Variants in TOX2 observed in about 807,000 individuals in gnomAD.
The protein encoded by TOX2 is TOX high mobility group box family member 2.
In TOX2, 15 loss-of-function variants were observed where a neutral mutation model predicts 47.4. The observed-to-expected ratio is 0.32, with a 90% CI of 0.21 to 0.49. The LOEUF (loss-of-function observed/expected upper bound fraction) is 0.49, where lower values mean the gene tolerates loss of function less well. TOX2 is among the 20% of genes least tolerant of loss of function. The pLI is 0.99. For missense variants in TOX2, 622 were observed against 673.1 expected (o/e 0.92, Z 0.84); for synonymous variants, 290 against 296.6 (o/e 0.98, Z 0.23).
chr20:43,925,031 T>C (rs1011161745), intron 1 of TOX2, among the ~76,000 whole-genome samples: 2 of 152,244 alleles, frequency 1.3e-5, no homozygotes, highest in African/African-American at 2.4e-5. Context: ...AGTTTCTTGA[T>C]TGATCTCATA....
chr20:44,048,416 A>ATATATG (rs2071452840), intron 3 of TOX2, among the ~76,000 whole-genome samples: 1 of 140,376 alleles, frequency 7.1e-6, no homozygotes, highest in Non-Finnish European at 1.5e-5. Context: ...ATATATATGT[A>ATATATG]TAATTTACCA....
At chr20:43,944,181 G>T (rs141586606) in intron 1 of TOX2, among the ~76,000 whole-genome samples, 7 of 152,314 alleles carry the variant, frequency 4.6e-5, no homozygotes, top group African/African-American at 1.7e-4. Context: ...TGGTGAGCAC[G>T]CACTGTGTGT....
chr20:43,953,974 CAA>C (rs1255209824), intron 1 of TOX2, among the ~76,000 whole-genome samples: 2 of 152,172 alleles, frequency 1.3e-5, no homozygotes, highest in East Asian at 3.8e-4. Flanking sequence ...AGCTGAGACT[CAA>C]AGAATGGAAC....
At chr20:43,950,549 G>A (rs913349585) in intron 1 of TOX2, among the ~76,000 whole-genome samples, 1 of 151,360 alleles carries the variant, frequency 6.6e-6, no homozygotes, top group African/African-American at 2.4e-5. Context: ...CACACCTGCC[G>A]GCAGCTCCCA....
In TOX2 at chr20:43,973,241, T is replaced by C. The variant is rs139257015; in HGVS notation, c.100-126T>C. On this transcript the variant is annotated intron_variant, in intron 1 of 8. Transcript: ENST00000341197. Reference sequence around the variant, plus strand: ...ATGGGGCTTTGGGCATCCTGGGCTCTGATTTGCCTTCTGCAGCTCCCACAG... The same window carrying C: ...ATGGGGCTTTGGGCATCCTGGGCTCCGATTTGCCTTCTGCAGCTCCCACAG... 4.2e-4 allele frequency: 370 copies of C among 882,586 alleles called. 1 individual carries two copies. The African/African-American group carries it at 5.8e-3, about 14-fold the overall frequency. The allele number at this position is 882,586 out of a possible 1,614,324, so 54.7% of individuals were successfully genotyped here. A position where few individuals can be genotyped will look rare whatever the true frequency, so the allele number is the denominator to read the frequency against.
chr20:43,963,184 C>A (rs2069792057), intron 1 of TOX2, among the ~76,000 whole-genome samples: 1 of 152,010 alleles, frequency 6.6e-6, no homozygotes, highest in African/African-American at 2.4e-5. Flanking sequence ...GCAATGATTC[C>A]CACCTCCCAG....
rs115540186 is a variant in TOX2 at position 44,020,609 on chromosome 20, G to A, written c.411+13817G>A. ...CTACTGCTGAGCTGCTTCTGGAAACGTGATCCTAAGGCCAGCAGCAGCAGC... is the reference window on the plus strand; with the variant it reads ...CTACTGCTGAGCTGCTTCTGGAAACATGATCCTAAGGCCAGCAGCAGCAGC... On this transcript the variant is annotated intron_variant, in intron 3 of 8. Transcript: ENST00000341197. 4.3e-3 allele frequency among the ~76,000 whole-genome samples: 654 copies of A among 152,334 alleles called. 6 individuals are homozygous for A. Among genetic ancestry groups the A allele is most frequent in the African/African-American group, 0.015 (623 of 41,572 alleles).
chr20:44,018,078 C>T (rs1045947447), intron 3 of TOX2, among the ~76,000 whole-genome samples: 20 of 152,146 alleles, frequency 1.3e-4, no homozygotes, highest in African/African-American at 3.6e-4. Context: ...GTCCCGGCAC[C>T]GAAGGCTTCC....
At chr20:43,922,709 A>G (rs2069124272) in intron 1 of TOX2, among the ~76,000 whole-genome samples, 2 of 152,188 alleles carry the variant, frequency 1.3e-5, no homozygotes, top group South Asian at 4.1e-4. Context: ...AATTTCCCTG[A>G]TATTTAAAAC....
chr20:43,957,427 A>G (rs1205948103), intron 1 of TOX2, among the ~76,000 whole-genome samples: 1 of 152,256 alleles, frequency 6.6e-6, no homozygotes, highest in East Asian at 1.9e-4. Context: ...TGTGTGAGCT[A>G]TGAGCACGTT....
At chr20:43,989,796 A>T (rs2070336446) in intron 2 of TOX2, among the ~76,000 whole-genome samples, 1 of 151,784 alleles carries the variant, frequency 6.6e-6, no homozygotes, top group Non-Finnish European at 1.5e-5. Context: ...AAAAAAAAAA[A>T]ACCCACCCAG....
At chr20:43,957,143 T>G (rs2145413941) in intron 1 of TOX2, among the ~76,000 whole-genome samples, 1 of 152,384 alleles carries the variant, frequency 6.6e-6, no homozygotes, top group Non-Finnish European at 1.5e-5. Context: ...ACAGATCTGA[T>G]AAACATTCTG....
intron 3 of TOX2, among the ~76,000 whole-genome samples, chr20:44,025,259 T>G (rs1355609462): frequency 6.6e-6 from 1 of 152,062 alleles, no homozygotes; most frequent in Non-Finnish European, 1.5e-5. Flanking sequence ...AGCCTCTGCC[T>G]GCCCCCAGGG....
At chr20:43,920,001 G>T (rs527763177) in intron 1 of TOX2, among the ~76,000 whole-genome samples, 1 of 152,344 alleles carries the variant, frequency 6.6e-6, no homozygotes, top group East Asian at 1.9e-4. Flanking sequence ...CACCCCCAGA[G>T]ATTGGATTCA....
chr20:43,976,071 G>A (rs1241788266), intron 2 of TOX2, among the ~76,000 whole-genome samples: 1 of 152,212 alleles, frequency 6.6e-6, no homozygotes, highest in East Asian at 1.9e-4. Context: ...TCTAGCCAGT[G>A]GCATGAGCCA....
At chr20:43,992,204 G>C (rs770095112) in intron 2 of TOX2, among the ~76,000 whole-genome samples, 3 of 152,198 alleles carry the variant, frequency 2.0e-5, no homozygotes, top group Non-Finnish European at 2.9e-5. Context: ...TGAGGAACGT[G>C]GCTGGAGTGG....
chr20:43,988,347 A>G (rs1363772797), intron 2 of TOX2, among the ~76,000 whole-genome samples: 1 of 152,244 alleles, frequency 6.6e-6, no homozygotes, highest in African/African-American at 2.4e-5. Context: ...CTGGGCACAG[A>G]CAACACACAT....
At chr20:44,029,700 C>A (rs1426130791) in intron 3 of TOX2, among the ~76,000 whole-genome samples, 1 of 152,200 alleles carries the variant, frequency 6.6e-6, no homozygotes, top group African/African-American at 2.4e-5. Flanking sequence ...ACTTTCTGCT[C>A]AGCATCTAAA....
At chr20:44,053,439 T>TATACAC (rs373458500) in intron 4 of TOX2, among the ~76,000 whole-genome samples, 5,724 of 142,924 alleles carry the variant, frequency 0.04, 168 homozygotes, top group African/African-American at 0.074. Context: ...GGCAGATATA[T>TATACAC]ACACACACAC....
Sources: allele counts gnomAD v4.1 joint callset (sites outside exome capture counted in the v4.1 genomes callset), GRCh38; gene constraint gnomAD v4.1.1; transcripts MANE v1.5; gene names NCBI Gene and HGNC (gene_info 2026-07-23, HGNC 2026-07-21).